Variants in EYS observed in about 807,000 individuals in gnomAD.
EYS encodes protein eyes shut homolog.
EYS carries 250 observed loss-of-function variants against 282.1 expected under a neutral mutation model. The observed-to-expected ratio is 0.89, with a 90% confidence interval of 0.80 to 0.98. The LOEUF (loss-of-function observed/expected upper bound fraction) is 0.98, where lower values mean the gene tolerates loss of function less well. EYS is among the 50% of genes least tolerant of loss of function. The probability of loss-of-function intolerance (pLI) is 0.00; values close to 1 mark genes in which losing one functional copy is unlikely to be tolerated. For missense variants in EYS, 4,016 were observed against 3,709.0 expected (o/e 1.08, Z -2.15); for synonymous variants, 1,355 against 1,282.9 (o/e 1.06, Z -1.20).
At chr6:65,480,403 T>C (rs1413430648) in intron 5 of EYS, among the ~76,000 whole-genome samples, 1 of 152,114 alleles carries the variant, frequency 6.6e-6, no homozygotes, top group African/African-American at 2.4e-5. Context: ...TATTATTAAA[T>C]ATTTCATTGA....
intron 1 of EYS, among the ~76,000 whole-genome samples, chr6:65,687,368 T>C (rs970079632): frequency 6.6e-6 from 1 of 152,090 alleles, no homozygotes; most frequent in African/African-American, 2.4e-5. Flanking sequence ...CATATGCTGA[T>C]GTGAATGACA....
intron 12 of EYS, among the ~76,000 whole-genome samples, chr6:65,120,748 C>T (rs1035306613): frequency 6.6e-6 from 1 of 152,058 alleles, no homozygotes; most frequent in Non-Finnish European, 1.5e-5. Context: ...CAATTTTAGC[C>T]TCTCGTTCAC....
chr6:64,249,063 C>CAAAAAAAAAAAAAAAAAAAAAAAAA (rs34663169), intron 30 of EYS, among the ~76,000 whole-genome samples: 17 of 70,046 alleles, frequency 2.4e-4, no homozygotes, highest in African/African-American at 9.1e-4. Context: ...CACCCTGTCT[C>CAAAAAAAAAAAAAAAAAAAAAAAAA]AAAAAAAAAA....
intron 2 of EYS, among the ~76,000 whole-genome samples, chr6:65,532,777 A>G (rs1336566064): frequency 6.6e-6 from 1 of 152,102 alleles, no homozygotes; most frequent in African/African-American, 2.4e-5. Flanking sequence ...TAGAGTAAAC[A>G]TTACCAACAG....
intron 13 of EYS, among the ~76,000 whole-genome samples, chr6:65,034,983 A>G (rs760062427): frequency 6.6e-6 from 1 of 152,130 alleles, no homozygotes; most frequent in Non-Finnish European, 1.5e-5. Context: ...ACCAAACCCA[A>G]TTTAGTACCA....
chr6:64,698,801 G>C (rs1372990201), intron 22 of EYS, among the ~76,000 whole-genome samples: 1 of 152,106 alleles, frequency 6.6e-6, no homozygotes, highest in Non-Finnish European at 1.5e-5. Flanking sequence ...AGTCAGAATA[G>C]CTATTATTAA....
intron 33 of EYS, among the ~76,000 whole-genome samples, chr6:64,056,068 C>G (rs912506958): frequency 6.6e-6 from 1 of 152,146 alleles, no homozygotes; most frequent in Non-Finnish European, 1.5e-5. Flanking sequence ...CAAGTCCAGA[C>G]TCCCCTTACA....
At chr6:64,457,267 T>A (rs1389733957) in intron 26 of EYS, among the ~76,000 whole-genome samples, 1 of 152,050 alleles carries the variant, frequency 6.6e-6, no homozygotes, top group Non-Finnish European at 1.5e-5. Context: ...GTTTTCAGAC[T>A]TTTTGTGGTT....
chr6:64,504,207 T>C (rs772182480), intron 26 of EYS, among the ~76,000 whole-genome samples: 3 of 152,190 alleles, frequency 2.0e-5, no homozygotes, highest in Non-Finnish European at 4.4e-5. Flanking sequence ...TCTGAAATGG[T>C]ACATTCTTGA....
chr6:64,315,391 A>G (rs914032374), intron 29 of EYS, among the ~76,000 whole-genome samples: 102 of 152,306 alleles, frequency 6.7e-4, no homozygotes, highest in Non-Finnish European at 1.1e-3. Flanking sequence ...ATGGAAAAAA[A>G]GGGAAACCTC....
At chr6:65,454,421 T>C (rs181238485) in intron 5 of EYS, among the ~76,000 whole-genome samples, 10 of 152,162 alleles carry the variant, frequency 6.6e-5, no homozygotes, top group Admixed American at 5.9e-4. Flanking sequence ...GTTAGATGTA[T>C]AATTTGCACA....
chr6:65,187,346 C>T (rs1403050559), intron 12 of EYS, among the ~76,000 whole-genome samples: 2 of 151,592 alleles, frequency 1.3e-5, no homozygotes, highest in Admixed American at 1.3e-4. Flanking sequence ...TTCTAGATTT[C>T]TTCTTACAGT....
chr6:64,288,731 A>C (rs899481446), intron 30 of EYS, among the ~76,000 whole-genome samples: 2 of 152,084 alleles, frequency 1.3e-5, no homozygotes, highest in Non-Finnish European at 2.9e-5. Context: ...AAACATCATA[A>C]AAATTTGCTC....
intron 35 of EYS, among the ~76,000 whole-genome samples, chr6:63,970,405 GTGGC>G (rs1240941589): frequency 6.6e-6 from 1 of 152,104 alleles, no homozygotes; most frequent in Admixed American, 6.5e-5. Context: ...GGAGGCCGAG[GTGGC>G]CAGATCACTA....
intron 22 of EYS, among the ~76,000 whole-genome samples, chr6:64,808,462 G>A (rs1044013175): frequency 3.3e-5 from 5 of 151,868 alleles, no homozygotes; most frequent in African/African-American, 1.2e-4. Context: ...GATTTATTTT[G>A]CTTTGAAAGG....
chr6:65,625,510 T>G (rs947873762), intron 2 of EYS, among the ~76,000 whole-genome samples: 1 of 152,170 alleles, frequency 6.6e-6, no homozygotes, highest in African/African-American at 2.4e-5. Context: ...ACATGTTAAT[T>G]TTGTGACTTG....
chr6:64,313,903 C>A (rs1769828324), intron 29 of EYS, among the ~76,000 whole-genome samples: 1 of 152,092 alleles, frequency 6.6e-6, no homozygotes, highest in Non-Finnish European at 1.5e-5. Context: ...GTACCAGCCA[C>A]TGCAAAAACA....
At chr6:65,176,722 C>A (rs1034074406) in intron 12 of EYS, among the ~76,000 whole-genome samples, 10 of 151,398 alleles carry the variant, frequency 6.6e-5, no homozygotes, top group Non-Finnish European at 1.3e-4. Context: ...ATAGTAATGT[C>A]TATGCAAAGA....
At chr6:64,335,665 C>T (rs769607453) in intron 29 of EYS, among the ~76,000 whole-genome samples, 6 of 151,886 alleles carry the variant, frequency 4.0e-5, no homozygotes, top group Non-Finnish European at 8.8e-5. Context: ...TTTGATTGTC[C>T]CGCAACAATC....
Sources: allele counts gnomAD v4.1 joint callset (sites outside exome capture counted in the v4.1 genomes callset), GRCh38; gene constraint gnomAD v4.1.1; transcripts MANE v1.5; gene names NCBI Gene and HGNC (gene_info 2026-07-23, HGNC 2026-07-21).